Variants in PALD1 observed in about 807,000 individuals in gnomAD.
PALD1 encodes phosphatase domain containing paladin 1.
Under a neutral mutation model 96.0 loss-of-function variants are expected in PALD1, and 57 were observed. The observed-to-expected ratio is 0.59, with a 90% CI of 0.48 to 0.74. The LOEUF (loss-of-function observed/expected upper bound fraction) is 0.74, where lower values mean the gene tolerates loss of function less well. Ranked by LOEUF, PALD1 falls within the 30% of genes least tolerant of loss-of-function variation. PALD1 has a pLI of 0.00. For missense variants in PALD1, 1,063 were observed against 1,143.7 expected (o/e 0.93, Z 1.02); for synonymous variants, 464 against 473.6 (o/e 0.98, Z 0.26).
intron 1 of PALD1, among the ~76,000 whole-genome samples, chr10:70,489,882 A>G (rs903396749): frequency 2.0e-5 from 3 of 152,160 alleles, no homozygotes; most frequent in African/African-American, 7.2e-5. Context: ...TTTCATATAA[A>G]TGAAATCATA....
rs541022761 is a variant in PALD1 at position 70,491,196 on chromosome 10, C to T, written c.-30+12137C>T. 7.2e-5 allele frequency among the ~76,000 whole-genome samples: 11 copies of T among 152,312 alleles called. No homozygotes were observed. The East Asian group carries it at 9.6e-4, about 13-fold the overall frequency. On this transcript the variant is annotated intron_variant, in intron 1 of 19. Coordinates refer to ENST00000263563, the MANE Select transcript of PALD1 (RefSeq NM_014431.3). ...TCCTGACTTCGTGATCCACTTGCCT[C>T]GGCCTCCCAAAGTGCTGGGATTACA...
At chr10:70,468,581 A>C in the PALD1 span, among the ~76,000 whole-genome samples, 1 of 152,110 alleles carries the variant, frequency 6.6e-6, no homozygotes, top group Non-Finnish European at 1.5e-5. Flanking sequence ...CTTTCCCTAG[A>C]GCCCAAGTGT....
intron 1 of PALD1, among the ~76,000 whole-genome samples, chr10:70,485,096 A>G (rs777069227): frequency 1.3e-5 from 2 of 152,190 alleles, no homozygotes; most frequent in Non-Finnish European, 2.9e-5. Context: ...ATCATACTTC[A>G]CAAAACCACC....
At chr10:70,502,874 C>G (rs1004618456) in intron 1 of PALD1, among the ~76,000 whole-genome samples, 1 of 152,048 alleles carries the variant, frequency 6.6e-6, no homozygotes, top group African/African-American at 2.4e-5. Context: ...CTTCTCTTCT[C>G]TTTTCTCTTC....
At chr10:70,463,194 G>T in the PALD1 span, among the ~76,000 whole-genome samples, 3 of 152,166 alleles carry the variant, frequency 2.0e-5, no homozygotes, top group Admixed American at 6.5e-5. Context: ...CACAAGGTCA[G>T]GAGATCAAGA....
chr10:70,530,090 C>T, intron 4 of PALD1, 22 bp downstream of exon 4: 1 of 1,488,784 alleles, frequency 6.7e-7, no homozygotes, highest in Non-Finnish European at 8.9e-7. Flanking sequence ...ACTTCCCAGG[C>T]AGAAGCCAGG....
At chr10:70,470,550 ATTTTTATTATATAATAAATAATATTAT>A in the PALD1 span, among the ~76,000 whole-genome samples, 2,668 of 147,334 alleles carry the variant, frequency 0.018, 80 homozygotes, top group African/African-American at 0.058. Flanking sequence ...AATAAATAAT[ATTTTTATTATATAATAAATAATATTAT>A]TTTTTATTAT....
Position 70,564,381 on chromosome 10 carries a change from G to A in PALD1, c.2280G>A (p.Glu760=). 5.0e-6 allele frequency: 8 copies of A among 1,613,830 alleles called. No homozygotes were observed. Among genetic ancestry groups the A allele is most frequent in the Non-Finnish European group, 5.9e-6 (7 of 1,179,878 alleles). ...CTYRQAKAAK[E]AQEMRRLQLR... Reference sequence around the variant, plus strand: ...TCCTCCAGGCGAAGGCAGCGAAAGAGGCGCAAGAAATGCGGAGGCTGCAGC... The same window carrying A: ...TCCTCCAGGCGAAGGCAGCGAAAGAAGCGCAAGAAATGCGGAGGCTGCAGC... Residue 760 remains glutamate, a synonymous_variant, in exon 19 of 20, where the codon GAG becomes GAA. Coordinates refer to ENST00000263563, the MANE Select transcript of PALD1 (RefSeq NM_014431.3).
rs1217837075 is a variant in PALD1, at chr10:70,547,461, C to T, written c.2262+15C>T. 2 of 1,504,356 alleles carry T rather than the reference C, an allele frequency of 1.3e-6. No homozygotes were observed. Among genetic ancestry groups the T allele is most frequent in the Admixed American group, 3.7e-5 (2 of 53,676 alleles). The allele number at this position is 1,504,356 out of a possible 1,614,324, so 93.2% of individuals were successfully genotyped here. ...CCTACCGCCAGGTGAGCCCCCACCC[C>T]ACCCCACCCCACCCTGCCCCAGCCA... On this transcript the variant is annotated intron_variant, in intron 18 of 19. Coordinates refer to ENST00000263563, the MANE Select transcript of PALD1 (RefSeq NM_014431.3).
At chr10:70,536,481 A>C (rs1440482649) in intron 10 of PALD1, among the ~76,000 whole-genome samples, 1 of 152,236 alleles carries the variant, frequency 6.6e-6, no homozygotes, top group Non-Finnish European at 1.5e-5. Context: ...CAGCTTCATG[A>C]AAATGAAGGC....
intron 1 of PALD1, among the ~76,000 whole-genome samples, chr10:70,494,786 C>A (rs1163548273): frequency 6.6e-6 from 1 of 152,202 alleles, no homozygotes; most frequent in African/African-American, 2.4e-5. Context: ...TCATGTCCTC[C>A]ATTCTGCAGA....
At chr10:70,551,460 C>T (rs3812713) in intron 18 of PALD1, among the ~76,000 whole-genome samples, 3 of 152,024 alleles carry the variant, frequency 2.0e-5, no homozygotes, top group East Asian at 1.9e-4. Flanking sequence ...TCCCCTCCAT[C>T]GGCTTAATTT....
Position 70,539,601 on chromosome 10 carries a change from G to A in PALD1, c.1747G>A (p.Ala583Thr). Residue 583 changes from alanine (A) to threonine (T), a missense_variant, in exon 15 of 20, where the codon GCC (alanine) becomes ACC (threonine). Coordinates refer to ENST00000263563, the MANE Select transcript of PALD1 (RefSeq NM_014431.3). The surrounding 1 kb of genome is among the most constrained non-coding windows in gnomAD (Gnocchi z 4.5). ...QLETLEAQLK[A>T]HLSEPPPGKE... ...CCAGACCCTGGAGGCCCAGCTGAAG[G>A]CCCATCTAAGCGAGCCTCCCCCAGG... 3 of 1,611,278 alleles carry A rather than the reference G, an allele frequency of 1.9e-6. No homozygotes were observed. In the South Asian group the frequency reaches 3.3e-5, roughly 18 times the overall value.
intron 1 of PALD1, among the ~76,000 whole-genome samples, chr10:70,515,539 G>A (rs779958513): frequency 2.0e-5 from 3 of 152,268 alleles, no homozygotes; most frequent in East Asian, 1.9e-4. Flanking sequence ...TCCTGGTCCT[G>A]AAGGTTCACG....
chr10:70,508,856 T>TGTGTGTGTGTGTGTGTGTGTGTGTGTGC (rs1564690611), intron 1 of PALD1, among the ~76,000 whole-genome samples: 3 of 140,066 alleles, frequency 2.1e-5, no homozygotes, highest in Non-Finnish European at 3.2e-5. Flanking sequence ...TGTGTGTGTG[T>TGTGTGTGTGTGTGTGTGTGTGTGTGTGC]GCAGGCCTGT....
At chr10:70,488,911 G>C (rs1846055619) in intron 1 of PALD1, among the ~76,000 whole-genome samples, 1 of 151,170 alleles carries the variant, frequency 6.6e-6, no homozygotes, top group Non-Finnish European at 1.5e-5. Context: ...TCCTCCTGCT[G>C]CTGGGGGTCT....
the PALD1 span, among the ~76,000 whole-genome samples, chr10:70,468,767 C>T: frequency 2.0e-4 from 29 of 146,818 alleles, no homozygotes; most frequent in African/African-American, 6.9e-4. Context: ...GATGGAGTCT[C>T]GCTCTGTCAC....
the PALD1 span, among the ~76,000 whole-genome samples, chr10:70,465,063 C>A: frequency 6.6e-6 from 1 of 151,978 alleles, no homozygotes; most frequent in Non-Finnish European, 1.5e-5. Flanking sequence ...CAAGCTCCAC[C>A]TCCTGGGTTC....
chr10:70,548,043 C>T (rs1352028643), intron 18 of PALD1, among the ~76,000 whole-genome samples: 1 of 152,104 alleles, frequency 6.6e-6, no homozygotes, highest in African/African-American at 2.4e-5. Flanking sequence ...CAGTGGCTCA[C>T]CCCTGTAATC....
Sources: allele counts gnomAD v4.1 joint callset (sites outside exome capture counted in the v4.1 genomes callset), GRCh38; gene constraint gnomAD v4.1.1; non-coding constraint Gnocchi (gnomAD v3.1); transcripts MANE v1.5; gene names NCBI Gene and HGNC (gene_info 2026-07-23, HGNC 2026-07-21).